RAB9B: variants seen among roughly 807,000 people sequenced by gnomAD.
RAB9B encodes the protein RAB9B, member RAS oncogene family.
RAB9B carries 1 observed loss-of-function variant against 8.9 expected under a neutral mutation model. That is an observed-to-expected ratio of 0.11 (90% CI 0.04 to 0.53). The LOEUF (loss-of-function observed/expected upper bound fraction) is 0.53, where lower values mean the gene tolerates loss of function less well. RAB9B is among the 20% of genes least tolerant of loss of function. The pLI, the probability that RAB9B is intolerant of heterozygous loss-of-function variation, is 0.93. For synonymous variants in RAB9B, 63 were observed against 57.0 expected (o/e 1.10, Z -0.47); for missense variants, 82 against 152.9 (o/e 0.54, Z 2.45).
At chrX:103,781,290 T>C in the RAB9B span, 1 of 327,693 alleles carries the variant, frequency 3.1e-6, no homozygotes, top group Non-Finnish European at 6.0e-6. Flanking sequence ...CACAGTCCCT[T>C]GATGAACCTG....
chrX:103,803,368 A>G, the RAB9B span, among the ~76,000 whole-genome samples: 6 of 112,402 alleles, frequency 5.3e-5, no homozygotes, highest in South Asian at 2.2e-3. Context: ...ACTTGTTATT[A>G]TCTGGCTTTT....
the RAB9B span, among the ~76,000 whole-genome samples, chrX:103,811,902 C>T: frequency 1.8e-5 from 2 of 109,925 alleles, no homozygotes; most frequent in Non-Finnish European, 3.8e-5. Flanking sequence ...GGTGGGGCCC[C>T]CTTCCTGGTT....
the RAB9B span, among the ~76,000 whole-genome samples, chrX:103,784,861 A>AT: frequency 8.9e-6 from 1 of 112,291 alleles, no homozygotes; most frequent in African/African-American, 3.2e-5. Context: ...CATATCCCGT[A>AT]TAACACCCAG....
chrX:103,779,771 T>C, the RAB9B span: 1 of 112,114 alleles, frequency 8.9e-6, no homozygotes, highest in East Asian at 2.8e-4. Context: ...AGGGGAAATA[T>C]AGTCTCCAAA....
At chrX:103,789,035 CA>C in the RAB9B span, 1 of 371,959 alleles carries the variant, frequency 2.7e-6, no homozygotes, top group Non-Finnish European at 4.7e-6. Flanking sequence ...TCTTTGACAG[CA>C]AAATGTTGAC....
At chrX:103,828,878 A>C (rs189123842) in intron 1 of RAB9B, among the ~76,000 whole-genome samples, 1 of 112,098 alleles carries the variant, frequency 8.9e-6, no homozygotes, top group East Asian at 2.8e-4. Context: ...AGCTGGCAGT[A>C]ATCAGGACAC....
downstream of RAB9B, among the ~76,000 whole-genome samples, chrX:103,820,563 C>T (rs1424015738): frequency 2.7e-5 from 3 of 111,893 alleles, no homozygotes; most frequent in African/African-American, 9.8e-5. Flanking sequence ...TGAGACCGTA[C>T]TGTTTCTTAA....
chrX:103,800,375 G>A, the RAB9B span, among the ~76,000 whole-genome samples: 1 of 111,535 alleles, frequency 9.0e-6, no homozygotes, highest in African/African-American at 3.3e-5. Context: ...ATCTTGCTGA[G>A]TTGTTGAAAC....
At chrX:103,786,442 C>T in the RAB9B span, 12 of 1,202,447 alleles carry the variant, frequency 1.0e-5, no homozygotes, top group East Asian at 3.0e-5. Flanking sequence ...TCCCTGGTCT[C>T]GTTTGTCTAC....
chrX:103,786,152 G>A, the RAB9B span: 9 of 1,108,228 alleles, frequency 8.1e-6, no homozygotes, highest in South Asian at 5.8e-5. Flanking sequence ...CTTTCTTCTT[G>A]TCTAGCTCCC....
chrX:103,816,931 C>T, the RAB9B span, among the ~76,000 whole-genome samples: 54 of 112,403 alleles, frequency 4.8e-4, 1 homozygote, highest in Non-Finnish European at 6.2e-4. Flanking sequence ...TAGGAAACAA[C>T]AGATGCTGGA....
chrX:103,785,852 A>G, the RAB9B span: 1 of 889,631 alleles, frequency 1.1e-6, no homozygotes, highest in Admixed American at 2.2e-5. Context: ...GTACCTTAGT[A>G]ACTAGCAGGG....
At chrX:103,806,762 G>A in the RAB9B span, among the ~76,000 whole-genome samples, 11 of 111,370 alleles carry the variant, frequency 9.9e-5, no homozygotes, top group East Asian at 3.1e-3. Flanking sequence ...TTTGCATTAT[G>A]TATTTTGAGG....
the RAB9B span, among the ~76,000 whole-genome samples, chrX:103,802,628 G>A: frequency 8.9e-6 from 1 of 111,904 alleles, no homozygotes; most frequent in Non-Finnish European, 1.9e-5. Flanking sequence ...CCAGCTATCA[G>A]TGTATGATAG....
chrX:103,790,458 C>T, the RAB9B span: 17 of 780,102 alleles, frequency 2.2e-5, no homozygotes, highest in Non-Finnish European at 3.0e-5. Context: ...TCCTCATTCC[C>T]AAAGGGATTT....
chrX:103,790,361 T>C, the RAB9B span, among the ~76,000 whole-genome samples: 1 of 112,996 alleles, frequency 8.8e-6, no homozygotes. Context: ...CAGTCAAGTG[T>C]ATATGGAGAA....
chrX:103,808,172 C>G, the RAB9B span, among the ~76,000 whole-genome samples: 6 of 111,866 alleles, frequency 5.4e-5, no homozygotes, highest in African/African-American at 1.9e-4. Context: ...GCCATGAAGA[C>G]CATGGGCTCT....
At chrX:103,792,680 C>G in the RAB9B span, 2 of 112,347 alleles carry the variant, frequency 1.8e-5, no homozygotes, top group African/African-American at 6.5e-5. Flanking sequence ...AATAATCGTA[C>G]CTTGTTCAAG....
chrX:103,780,962 C>G, the RAB9B span: 1 of 147,123 alleles, frequency 6.8e-6, no homozygotes, highest in Non-Finnish European at 1.4e-5. Flanking sequence ...AGTGCAGATT[C>G]GAGACCTAGG....
Sources: gnomAD v4.1 joint callset for allele counts (sites outside exome capture counted in the v4.1 genomes callset) on GRCh38, gnomAD v4.1.1 for gene constraint, MANE v1.5 for transcripts, NCBI Gene and HGNC (gene_info 2026-07-23, HGNC 2026-07-21) for gene names.